Variants in CNOT7 observed in about 807,000 individuals in gnomAD.
The protein encoded by CNOT7 is CCR4-NOT transcription complex subunit 7.
A neutral mutation model predicts 37.1 loss-of-function variants in CNOT7; 4 were observed. The ratio of observed to expected loss-of-function variants is 0.11; its 90% CI spans 0.05 to 0.25. CNOT7 has a LOEUF of 0.25. Among genes scored for constraint, CNOT7 ranks in the 10% least tolerant of loss-of-function variants. The pLI, the probability that CNOT7 is intolerant of heterozygous loss-of-function variation, is 1.00. For synonymous variants in CNOT7, 128 were observed against 115.6 expected (o/e 1.11, Z -0.69); for missense variants, 170 against 336.2 (o/e 0.51, Z 3.87).
At chr8:17,231,663 TCA>T in intron 6 of CNOT7, 1 of 985,394 alleles carries the variant, frequency 1.0e-6, no homozygotes, top group Non-Finnish European at 1.2e-6. Context: ...AAGAAAAACC[TCA>T]CTTGTTTTTT....
rs544534803 is a variant in CNOT7 at position 17,226,665 on chromosome 8, G to A, written c.*4055C>T. On this transcript the variant is annotated 3_prime_UTR_variant, in exon 7 of 7. Coordinates refer to ENST00000361272, the MANE Select transcript of CNOT7 (RefSeq NM_013354.7). ...ACAGGAAAATATATCCACTAAAAAT[G>A]GATTTGGCAATACAGCGCTGTTTTG... 2 of 151,812 alleles carry A rather than the reference G, an allele frequency of 1.3e-5. No individual in the cohort carries two copies. The highest frequency in any genetic ancestry group is 4.8e-5 in the African/African-American group (2 of 41,502). The allele number at this position is 151,812 out of a possible 1,614,324, so 9.4% of individuals were successfully genotyped here.
Position 17,242,892 on chromosome 8 carries a change from C to T in CNOT7, c.311+100G>A, listed in dbSNP as rs187477963. 2.2e-5 allele frequency: 16 copies of T among 724,758 alleles called. No homozygotes were observed. In the Admixed American group the frequency reaches 4.2e-4, roughly 19 times the overall value. The allele number at this position is 724,758 out of a possible 1,614,324, so 44.9% of individuals were successfully genotyped here. ...TTTATATATTTCCAGGATAACTACA[C>T]CAAATTCACCTAGCATGTCACCATA... is the stretch of plus-strand genomic sequence containing the variant. On this transcript the variant is annotated intron_variant, in intron 3 of 6. Coordinates refer to ENST00000361272, the MANE Select transcript of CNOT7 (RefSeq NM_013354.7).
intron 3 of CNOT7, among the ~76,000 whole-genome samples, chr8:17,240,869 A>G (rs1810064673): frequency 6.6e-6 from 1 of 152,156 alleles, no homozygotes; most frequent in Admixed American, 6.5e-5. Context: ...GAGGTGTTCA[A>G]TCTTTTGGCT....
At chr8:17,232,662 A>G (rs1198540324) in intron 5 of CNOT7, 125 bp from the exon 6 acceptor site, 3 of 742,050 alleles carry the variant, frequency 4.0e-6, no homozygotes, top group South Asian at 3.7e-5. Context: ...AATCTTATAA[A>G]GATTGGGGGG....
chr8:17,237,881 A>C (rs1243566969), intron 3 of CNOT7, among the ~76,000 whole-genome samples: 1 of 151,926 alleles, frequency 6.6e-6, no homozygotes, highest in Non-Finnish European at 1.5e-5. Flanking sequence ...CTTCATCTTA[A>C]AGAAGGAGAT....
At chr8:17,239,903 T>C (rs540035697) in intron 3 of CNOT7, among the ~76,000 whole-genome samples, 1 of 152,338 alleles carries the variant, frequency 6.6e-6, no homozygotes, top group South Asian at 2.1e-4. Context: ...TCAATTTTCA[T>C]GGATGTATCA....
chr8:17,244,994 T>A, intron 2 of CNOT7, 42 bp downstream of exon 2: 1 of 1,452,086 alleles, frequency 6.9e-7, no homozygotes, highest in Non-Finnish European at 9.5e-7. Context: ...TTCCTTTTCC[T>A]CCTTTATATG....
chr8:17,244,844 G>A, intron 2 of CNOT7, 192 bp downstream of exon 2: 2 of 528,192 alleles, frequency 3.8e-6, no homozygotes, highest in Non-Finnish European at 6.7e-6. Context: ...TCACTGCAAT[G>A]AGGGATAAAC....
In CNOT7 at chr8:17,228,629, A is replaced by G. The variant is rs1169863558; in HGVS notation, c.*2091T>C. 1.3e-5 allele frequency: 2 copies of G among 151,916 alleles called. No individual in the cohort carries two copies. The highest frequency in any genetic ancestry group is 2.9e-5 in the Non-Finnish European group (2 of 67,840). The allele number at this position is 151,916 out of a possible 1,614,324, so 9.4% of individuals were successfully genotyped here. A position where few individuals can be genotyped will look rare whatever the true frequency, so the allele number is the denominator to read the frequency against. ...AAACTTTTGATGGGGTTACCTCTCA[A>G]TACACCCACTGTAAAGTTGAAAAAT... On this transcript the variant is annotated 3_prime_UTR_variant, in exon 7 of 7. Coordinates refer to ENST00000361272, the MANE Select transcript of CNOT7 (RefSeq NM_013354.7).
At chr8:17,242,764 CAAA>C (rs1409532701) in intron 3 of CNOT7, 2 of 347,244 alleles carry the variant, frequency 5.8e-6, no homozygotes, top group Non-Finnish European at 1.0e-5. Context: ...CTTCCAAATA[CAAA>C]AAAAGCTGCA....
At position 17,243,189 on chromosome 8, in the gene CNOT7, T is replaced by A. The variant is rs770440295; in HGVS notation, c.118-4A>T. On this transcript the variant is annotated splice_polypyrimidine_tract_variant and splice_region_variant and intron_variant, in intron 2 of 6. Transcript: ENST00000361272. ...CCACACCTGGAAACTCGGTGTCCTG[T>A]AAAATAGTTTTAAGATTCATTATGT... 6 of 1,579,938 alleles carry A rather than the reference T, an allele frequency of 3.8e-6. No individual in the cohort carries two copies. The African/African-American group carries it at 6.8e-5, about 18-fold the overall frequency.
At chr8:17,232,359 T>C (rs1808750585) in intron 6 of CNOT7, 68 bp downstream of exon 6, 1 of 1,610,378 alleles carries the variant, frequency 6.2e-7, no homozygotes, top group Non-Finnish European at 8.5e-7. Flanking sequence ...CCAAAATCTT[T>C]GGCCACAAGA....
rs188470923 is a variant in CNOT7, at chr8:17,245,511, A to G, written c.-95-264T>C. ...TACTAATCATATTTTATAACTTTCC[A>G]CTAATTATTTATCTGAGTTCAACTA... On this transcript the variant is annotated intron_variant, in intron 1 of 6. Coordinates refer to ENST00000361272, the MANE Select transcript of CNOT7 (RefSeq NM_013354.7). 2.6e-5 allele frequency among the ~76,000 whole-genome samples: 4 copies of G among 152,356 alleles called. No homozygotes were observed. The East Asian group carries it at 7.7e-4, about 29-fold the overall frequency.
chr8:17,228,976 C>G lies in CNOT7; in HGVS notation c.*1744G>C, dbSNP rs142715333. 2.2e-3 allele frequency: 328 copies of G among 152,030 alleles called. No homozygotes were observed. The highest frequency in any genetic ancestry group is 7.6e-3 in the African/African-American group (315 of 41,544). 9.4% of individuals were successfully genotyped at this position (152,030 alleles called of 1,614,324 possible). ...ATGTATTTACTTTGTGAAGTATATC[C>G]TTCGGAATAAATGCATTCCTGGAAA... On this transcript the variant is annotated 3_prime_UTR_variant, in exon 7 of 7. Coordinates refer to ENST00000361272, the MANE Select transcript of CNOT7 (RefSeq NM_013354.7).
chr8:17,234,581 A>G, intron 5 of CNOT7, 135 bp downstream of exon 5: 1 of 922,986 alleles, frequency 1.1e-6, no homozygotes. Context: ...AAAAAATCAC[A>G]TGACCAGATA....
rs372395503 is a variant in CNOT7, at chr8:17,243,171, T to C, written c.132A>G (p.Pro44=). Residue 44 remains proline (P), a synonymous_variant, in exon 3 of 7, where the codon CCA becomes CCG. Coordinates refer to ENST00000361272, the MANE Select transcript of CNOT7 (RefSeq NM_013354.7). The stretch of plus-strand genomic sequence containing the variant: ...CTCCAATGGGTCTTGCAACCACACC[T>C]GGAAACTCGGTGTCCTGTAAAATAG... ...YNYVAMDTEF[P]GVVARPIGEF... The C allele has an allele frequency of 3.1e-6, 5 of 1,597,324 alleles. No individual in the cohort carries two copies. Among genetic ancestry groups the C allele is most frequent in the Non-Finnish European group, 4.3e-6 (5 of 1,175,190 alleles).
chr8:17,234,496 T>C (rs540173799), intron 5 of CNOT7: 43 of 504,312 alleles, frequency 8.5e-5, no homozygotes, highest in South Asian at 7.3e-4. Context: ...CTGAAATGTG[T>C]TGAAAATTCT....
rs1394379548 is a variant in CNOT7 at position 17,230,511 on chromosome 8, C to T, written c.*209G>A. Reference sequence around the variant, plus strand: ...TGCTAACAAGTATATTAAATTAAGGCCAAATTTAACCTGAATGCGTTTTTT... The same window carrying T: ...TGCTAACAAGTATATTAAATTAAGGTCAAATTTAACCTGAATGCGTTTTTT... On this transcript the variant is annotated 3_prime_UTR_variant, in exon 7 of 7. Transcript: ENST00000361272. 2 of 340,996 alleles carry T rather than the reference C, an allele frequency of 5.9e-6. No homozygotes were observed. Among genetic ancestry groups the T allele is most frequent in the Middle Eastern group, 7.9e-4 (1 of 1,268 alleles). The allele number at this position is 340,996 out of a possible 1,614,324, so 21.1% of individuals were successfully genotyped here.
intron 4 of CNOT7, among the ~76,000 whole-genome samples, chr8:17,236,078 T>C (rs1455108842): frequency 6.6e-6 from 1 of 152,234 alleles, no homozygotes; most frequent in Non-Finnish European, 1.5e-5. Context: ...TAAGTTATGT[T>C]TCCTAAGGTA....
Sources: allele counts gnomAD v4.1 joint callset (sites outside exome capture counted in the v4.1 genomes callset), GRCh38; gene constraint gnomAD v4.1.1; transcripts MANE v1.5; gene names NCBI Gene and HGNC (gene_info 2026-07-23, HGNC 2026-07-21).